GRID2: variants seen among roughly 807,000 people sequenced by gnomAD.
GRID2 encodes glutamate receptor ionotropic, delta-2.
Under a neutral mutation model 114.8 loss-of-function variants are expected in GRID2, and 33 were observed. The ratio of observed to expected loss-of-function variants is 0.29; its 90% CI spans 0.22 to 0.38. The LOEUF is 0.38. Among genes scored for constraint, GRID2 ranks in the 10% least tolerant of loss-of-function variants. The pLI, the probability that GRID2 is intolerant of heterozygous loss-of-function variation, is 1.00. For synonymous variants in GRID2, 505 were observed against 449.9 expected (o/e 1.12, Z -1.55); for missense variants, 1,184 against 1,257.7 (o/e 0.94, Z 0.89).
intron 1 of GRID2, among the ~76,000 whole-genome samples, chr4:93,789,520 T>C (rs1426679129): frequency 6.6e-6 from 1 of 152,184 alleles, no homozygotes; most frequent in Non-Finnish European, 1.5e-5. Context: ...AATTTTCCAA[T>C]CCAGCATACA....
At chr4:92,420,400 A>G (rs1731842444) in intron 1 of GRID2, among the ~76,000 whole-genome samples, 8 of 152,174 alleles carry the variant, frequency 5.3e-5, no homozygotes, top group Admixed American at 5.2e-4. Context: ...TGATTATCCT[A>G]TCTAAGCTCC....
intron 14 of GRID2, among the ~76,000 whole-genome samples, chr4:93,688,870 TCTAACTC>T (rs1443139037): frequency 2.0e-5 from 3 of 152,084 alleles, no homozygotes; most frequent in African/African-American, 7.2e-5. Context: ...ACTCAGATCA[TCTAACTC>T]CTAAGTTCTC....
intron 7 of GRID2, among the ~76,000 whole-genome samples, chr4:93,232,903 G>A (rs1746307810): frequency 6.6e-6 from 1 of 152,010 alleles, no homozygotes; most frequent in Non-Finnish European, 1.5e-5. Context: ...TGTACCATAA[G>A]ATCAGAGAAT....
At chr4:93,505,718 T>C (rs6828038) in intron 12 of GRID2, among the ~76,000 whole-genome samples, 30,750 of 150,250 alleles carry the variant, frequency 0.2, 3,896 homozygotes, top group Non-Finnish European at 0.29. Context: ...TATTAATATA[T>C]ACCAAATATT....
chr4:93,760,943 T>C (rs1215042075), intron 14 of GRID2, among the ~76,000 whole-genome samples: 1 of 152,158 alleles, frequency 6.6e-6, no homozygotes, highest in Non-Finnish European at 1.5e-5. Flanking sequence ...TACTACCTCA[T>C]CTTGAATAAG....
intron 2 of GRID2, among the ~76,000 whole-genome samples, chr4:92,796,155 C>T (rs1290639120): frequency 7.9e-5 from 12 of 151,810 alleles, no homozygotes; most frequent in Non-Finnish European, 1.5e-4. Flanking sequence ...CAATATTTTC[C>T]GTAGAATACT....
At position 93,372,675 on chromosome 4, in the gene GRID2, G is replaced by A. The variant is rs933276890; in HGVS notation, c.1246-22932G>A. Among the ~76,000 whole-genome samples, 16 of 151,818 alleles carry A rather than the reference G, an allele frequency of 1.1e-4. No homozygotes were observed. In the East Asian group the frequency reaches 1.4e-3, roughly 13 times the overall value. On this transcript the variant is annotated intron_variant, in intron 8 of 15. Coordinates refer to ENST00000282020, the MANE Select transcript of GRID2 (RefSeq NM_001510.4). ...ATTTTTCACTGTCTATTTTCCACTC[G>A]GCATCCAAACTAATTTTCCATAAAC...
chr4:93,619,809 G>A (rs1742046399), intron 13 of GRID2, among the ~76,000 whole-genome samples: 1 of 152,124 alleles, frequency 6.6e-6, no homozygotes, highest in South Asian at 2.1e-4. Context: ...ATATAGAACT[G>A]AGGAAGCTGC....
intron 14 of GRID2, among the ~76,000 whole-genome samples, chr4:93,762,305 T>C (rs1733279529): frequency 6.6e-6 from 1 of 152,200 alleles, no homozygotes; most frequent in African/African-American, 2.4e-5. Flanking sequence ...TAAATATCTT[T>C]TTAATTTTGG....
At chr4:93,187,279 T>C (rs901435071) in intron 4 of GRID2, among the ~76,000 whole-genome samples, 17 of 152,142 alleles carry the variant, frequency 1.1e-4, no homozygotes, top group Admixed American at 1.3e-4. Flanking sequence ...AAGTCTTTTT[T>C]TTTCTTTTCT....
At chr4:92,457,469 T>C (rs532341976) in intron 1 of GRID2, among the ~76,000 whole-genome samples, 4 of 152,120 alleles carry the variant, frequency 2.6e-5, no homozygotes, top group Non-Finnish European at 5.9e-5. Flanking sequence ...AGAAGAAAAA[T>C]ATATTTCTTT....
chr4:92,410,249 T>C (rs1042618382), intron 1 of GRID2, among the ~76,000 whole-genome samples: 3 of 152,144 alleles, frequency 2.0e-5, no homozygotes, highest in African/African-American at 7.2e-5. Flanking sequence ...ATGTTTTCAT[T>C]AGGCTTCTTC....
chr4:93,021,790 T>C (rs1035628778), intron 2 of GRID2, among the ~76,000 whole-genome samples: 2 of 146,350 alleles, frequency 1.4e-5, no homozygotes, highest in East Asian at 2.0e-4. Flanking sequence ...ATGTATATTA[T>C]ATATTATTTT....
chr4:92,847,160 T>C (rs1005728050), intron 2 of GRID2, among the ~76,000 whole-genome samples: 1 of 152,062 alleles, frequency 6.6e-6, no homozygotes, highest in Non-Finnish European at 1.5e-5. Flanking sequence ...GCTGAGACTT[T>C]AGCCATTGTC....
intron 8 of GRID2, among the ~76,000 whole-genome samples, chr4:93,260,503 A>T (rs576106769): frequency 6.6e-6 from 1 of 151,820 alleles, no homozygotes; most frequent in East Asian, 1.9e-4. Context: ...CGACTACATT[A>T]AAACAATTTA....
At chr4:92,914,097 C>T (rs1034848593) in intron 2 of GRID2, among the ~76,000 whole-genome samples, 19 of 151,984 alleles carry the variant, frequency 1.3e-4, no homozygotes, top group African/African-American at 3.9e-4. Context: ...ATTTGCAAAT[C>T]GATCTTTGGT....
intron 4 of GRID2, among the ~76,000 whole-genome samples, chr4:93,130,697 T>C (rs1268925911): frequency 6.6e-6 from 1 of 152,222 alleles, no homozygotes; most frequent in Non-Finnish European, 1.5e-5. Context: ...GTCATTAGAT[T>C]GTAAACTTCA....
chr4:93,453,313 GGAAAGA>G (rs1394518761), intron 10 of GRID2, among the ~76,000 whole-genome samples: 35 of 98,642 alleles, frequency 3.5e-4, no homozygotes, highest in African/African-American at 1.5e-3. Flanking sequence ...CTCAGAGATG[GGAAAGA>G]GAGAGAGAGA....
chr4:92,810,371 G>A (rs893441784), intron 2 of GRID2, among the ~76,000 whole-genome samples: 1 of 151,696 alleles, frequency 6.6e-6, no homozygotes, highest in Non-Finnish European at 1.5e-5. Context: ...TTAAAAATTG[G>A]CATAGTGTGT....
Sources: allele counts gnomAD v4.1 joint callset (sites outside exome capture counted in the v4.1 genomes callset), GRCh38; gene constraint gnomAD v4.1.1; transcripts MANE v1.5; gene names NCBI Gene and HGNC (gene_info 2026-07-23, HGNC 2026-07-21).